Variants in SAMMSON observed in about 807,000 individuals in gnomAD.
SAMMSON encodes the protein survival associated mitochondrial melanoma specific oncogenic non-coding RNA.
At chr3:70,158,208 C>T (rs1025436383) in intron 4 of SAMMSON, among the ~76,000 whole-genome samples, 3 of 152,036 alleles carry the variant, frequency 2.0e-5, no homozygotes, top group Non-Finnish European at 4.4e-5. Flanking sequence ...TAATCCCTCT[C>T]CCTTGTCCCT....
At chr3:70,259,621 T>A (rs537808960) in intron 6 of SAMMSON, among the ~76,000 whole-genome samples, 2 of 152,170 alleles carry the variant, frequency 1.3e-5, no homozygotes, top group East Asian at 1.9e-4. Flanking sequence ...CTTTTAACCA[T>A]CTCTACACCC....
intron 4 of SAMMSON, among the ~76,000 whole-genome samples, chr3:70,234,293 C>T (rs537323656): frequency 6.6e-5 from 10 of 152,248 alleles, no homozygotes; most frequent in African/African-American, 2.2e-4. Context: ...GTTTATTGAA[C>T]ATCTACTATA....
At chr3:70,231,342 G>A (rs2106744706) in intron 4 of SAMMSON, among the ~76,000 whole-genome samples, 1 of 152,290 alleles carries the variant, frequency 6.6e-6, no homozygotes, top group South Asian at 2.1e-4. Flanking sequence ...CAAGCAGCCC[G>A]CCATCTCTCT....
chr3:70,007,122 C>G (rs948824625), intron 1 of SAMMSON, among the ~76,000 whole-genome samples: 1 of 152,086 alleles, frequency 6.6e-6, no homozygotes, highest in African/African-American at 2.4e-5. Context: ...GTGCATGTGT[C>G]TTTATAGCAG....
In SAMMSON at chr3:70,155,793, T is replaced by C. The variant is rs113923322; in HGVS notation, n.507+84228T>C. ...ACTGATTTGTTTTGAAAATCCAGTT[T>C]CTGCTTAGGGTGGAGGGCAGAAGAG... On this transcript the variant is annotated intron_variant and non_coding_transcript_variant, in intron 4 of 9. Transcript: ENST00000642114. Among the ~76,000 whole-genome samples, 1,448 of 152,172 alleles carry C rather than the reference T, an allele frequency of 9.5e-3. 17 individuals are homozygous for C. The highest frequency in any genetic ancestry group is 0.033 in the African/African-American group (1,360 of 41,556).
At chr3:70,316,758 G>A (rs1278002742) in intron 7 of SAMMSON, among the ~76,000 whole-genome samples, 2 of 152,004 alleles carry the variant, frequency 1.3e-5, no homozygotes, top group South Asian at 2.1e-4. Flanking sequence ...AACACCACAA[G>A]GCATGCGAAT....
intron 4 of SAMMSON, among the ~76,000 whole-genome samples, chr3:70,169,830 T>A (rs1293375831): frequency 4.0e-5 from 6 of 151,784 alleles, no homozygotes; most frequent in Admixed American, 2.6e-4. Flanking sequence ...GGGTCTGTTG[T>A]TAGTTTATAG....
intron 4 of SAMMSON, among the ~76,000 whole-genome samples, chr3:70,145,125 C>G (rs2067543129): frequency 6.6e-6 from 1 of 152,056 alleles, no homozygotes; most frequent in South Asian, 2.1e-4. Context: ...AATCTCAGGT[C>G]ACAGAAAACC....
intron 3 of SAMMSON, among the ~76,000 whole-genome samples, chr3:70,017,912 C>G (rs543273121): frequency 6.6e-6 from 1 of 152,230 alleles, no homozygotes; most frequent in South Asian, 2.1e-4. Flanking sequence ...GTTGAACCAG[C>G]CTTGCATCCC....
intron 2 of SAMMSON, among the ~76,000 whole-genome samples, chr3:70,427,715 G>C (rs1701382703): frequency 6.8e-6 from 1 of 147,566 alleles, no homozygotes; most frequent in Non-Finnish European, 1.5e-5. Context: ...TCCAGCCTGG[G>C]CGACAGAGCG....
chr3:70,267,576 GTATTTTTTT>G (rs1701929972), intron 6 of SAMMSON, among the ~76,000 whole-genome samples: 2 of 98,656 alleles, frequency 2.0e-5, no homozygotes, highest in Non-Finnish European at 3.8e-5. Context: ...CTAATTTTTT[GTATTTTTTT>G]TTTTTTTTTT....
At chr3:70,368,421 G>A (rs1353170434) in intron 9 of SAMMSON, among the ~76,000 whole-genome samples, 2 of 151,562 alleles carry the variant, frequency 1.3e-5, no homozygotes, top group African/African-American at 4.8e-5. Context: ...CATTAACAAT[G>A]TGACTTGCCT....
At chr3:70,424,202 CATTA>C (rs1288774722) in intron 2 of SAMMSON, among the ~76,000 whole-genome samples, 2 of 152,080 alleles carry the variant, frequency 1.3e-5, no homozygotes, top group African/African-American at 4.8e-5. Context: ...CTGGTTATCT[CATTA>C]ATTAATTAAA....
chr3:70,380,953 T>C (rs890265545), intron 9 of SAMMSON, among the ~76,000 whole-genome samples: 1 of 152,198 alleles, frequency 6.6e-6, no homozygotes. Flanking sequence ...TTGATGGACA[T>C]TTGGGTTGGT....
chr3:70,051,164 A>T (rs1357918278), intron 3 of SAMMSON, among the ~76,000 whole-genome samples: 5 of 149,770 alleles, frequency 3.3e-5, no homozygotes, highest in African/African-American at 7.3e-5. Flanking sequence ...AAAAAAAGAA[A>T]AAAAAAGAAT....
At chr3:70,431,444 ACT>A (rs1701411616) in intron 2 of SAMMSON, among the ~76,000 whole-genome samples, 1 of 151,742 alleles carries the variant, frequency 6.6e-6, no homozygotes, top group African/African-American at 2.4e-5. Flanking sequence ...ATAGAATGAA[ACT>A]CTCTCAGGAT....
At chr3:70,102,890 T>C (rs1223327713) in intron 4 of SAMMSON, among the ~76,000 whole-genome samples, 3 of 152,186 alleles carry the variant, frequency 2.0e-5, no homozygotes, top group Non-Finnish European at 4.4e-5. Context: ...TTCCCTCTCT[T>C]ATGTACAGTG....
At chr3:70,039,591 C>G (rs1235702102) in intron 3 of SAMMSON, among the ~76,000 whole-genome samples, 1 of 108,458 alleles carries the variant, frequency 9.2e-6, no homozygotes, top group African/African-American at 3.7e-5. Context: ...AAACACATCT[C>G]TTCACACACA....
At position 70,226,303 on chromosome 3, in the gene SAMMSON, G is replaced by C. The variant is rs537830102; in HGVS notation, n.508-22804G>C. ...CTCTTCAATGTGTGAGAGGCACTCA[G>C]GTCATTTTAATAGCATGTGATGAGA... is the stretch of plus-strand genomic sequence containing the variant. On this transcript the variant is annotated intron_variant and non_coding_transcript_variant, in intron 4 of 9. Coordinates refer to ENST00000642114, the Ensembl canonical transcript of SAMMSON. Among the ~76,000 whole-genome samples the C allele has an allele frequency of 1.1e-3, 172 of 152,258 alleles. 1 individual carries two copies. The highest frequency in any genetic ancestry group is 3.9e-3 in the African/African-American group (164 of 41,548).
Sources: allele counts gnomAD v4.1 joint callset (sites outside exome capture counted in the v4.1 genomes callset), GRCh38; gene constraint gnomAD v4.1.1; transcripts MANE v1.5; gene names NCBI Gene and HGNC (gene_info 2026-07-23, HGNC 2026-07-21).